Variants in FAM227B observed in about 807,000 individuals in gnomAD.
FAM227B encodes the protein family with sequence similarity 227 member B.
FAM227B carries 88 observed loss-of-function variants against 73.8 expected under a neutral mutation model. That is an observed-to-expected ratio of 1.19 (90% CI 1.00 to 1.42). FAM227B has a LOEUF of 1.42. FAM227B is among the 40% of genes most tolerant of loss of function. FAM227B has a pLI of 0.00. For missense variants in FAM227B, 632 were observed against 590.9 expected (o/e 1.07, Z -0.72); for synonymous variants, 210 against 190.5 (o/e 1.10, Z -0.84).
chr15:49,401,995 G>GT (rs1172223569), intron 11 of FAM227B, among the ~76,000 whole-genome samples: 8 of 151,286 alleles, frequency 5.3e-5, no homozygotes, highest in Non-Finnish European at 8.8e-5. Context: ...AAAACTTAAA[G>GT]TATAATAAAA....
chr15:49,505,205 T>C (rs562746004), intron 11 of FAM227B, among the ~76,000 whole-genome samples: 4 of 152,302 alleles, frequency 2.6e-5, no homozygotes, highest in Admixed American at 2.6e-4. Context: ...AAAATTGCAT[T>C]CTAACCTATA....
intron 10 of FAM227B, among the ~76,000 whole-genome samples, chr15:49,510,681 T>G (rs1205908939): frequency 4.6e-5 from 7 of 152,144 alleles, no homozygotes; most frequent in Non-Finnish European, 8.8e-5. Context: ...TGTTAAAGCC[T>G]CCATTTCTTG....
At chr15:49,617,776 TTGTGTGTGTGTGTG>T (rs67917912) in intron 1 of FAM227B, among the ~76,000 whole-genome samples, 1 of 148,114 alleles carries the variant, frequency 6.8e-6, no homozygotes, top group Non-Finnish European at 1.5e-5. Flanking sequence ...CTTTCATGTT[TTGTGTGTGTGTGTG>T]TGTGTGTGTG....
intron 11 of FAM227B, among the ~76,000 whole-genome samples, chr15:49,499,793 T>C (rs948098286): frequency 2.0e-5 from 3 of 152,162 alleles, no homozygotes; most frequent in Non-Finnish European, 4.4e-5. Context: ...CAAATGGTGC[T>C]AAAGCAATAT....
intron 11 of FAM227B, among the ~76,000 whole-genome samples, chr15:49,395,528 T>C (rs912086299): frequency 6.6e-6 from 1 of 152,168 alleles, no homozygotes; most frequent in Non-Finnish European, 1.5e-5. Context: ...AGGGTTAGCA[T>C]AGGCAGAAGT....
intron 10 of FAM227B, among the ~76,000 whole-genome samples, chr15:49,511,224 A>G (rs2058973370): frequency 6.6e-6 from 1 of 152,096 alleles, no homozygotes; most frequent in Non-Finnish European, 1.5e-5. Flanking sequence ...GTTTCTTCCC[A>G]TTTGAGATGG....
intron 13 of FAM227B, among the ~76,000 whole-genome samples, chr15:49,364,839 G>A (rs1204407861): frequency 6.6e-6 from 1 of 151,828 alleles, no homozygotes; most frequent in Non-Finnish European, 1.5e-5. Context: ...AAAGCATAGG[G>A]ATGGGTCAAG....
At chr15:49,470,103 T>C (rs142074313) in intron 11 of FAM227B, among the ~76,000 whole-genome samples, 1 of 152,234 alleles carries the variant, frequency 6.6e-6, no homozygotes, top group African/African-American at 2.4e-5. Context: ...TGTTGCTCCA[T>C]CTTTTGAAGA....
chr15:49,355,834 T>C (rs1459936847), intron 13 of FAM227B, among the ~76,000 whole-genome samples: 1 of 152,000 alleles, frequency 6.6e-6, no homozygotes, highest in African/African-American at 2.4e-5. Context: ...TAAGGGCAGC[T>C]AGAGAGAAAG....
intron 13 of FAM227B, among the ~76,000 whole-genome samples, chr15:49,347,311 T>C (rs974999572): frequency 6.6e-6 from 1 of 152,178 alleles, no homozygotes; most frequent in Non-Finnish European, 1.5e-5. Flanking sequence ...ATTTTTGAAG[T>C]AGGAGACAGA....
At chr15:49,524,547 C>T (rs2060016618) in intron 10 of FAM227B, among the ~76,000 whole-genome samples, 1 of 152,124 alleles carries the variant, frequency 6.6e-6, no homozygotes, top group South Asian at 2.1e-4. Flanking sequence ...GGGGTCAGAG[C>T]CCCCACAGAG....
chr15:49,405,919 T>C (rs563254149), intron 11 of FAM227B, among the ~76,000 whole-genome samples: 2 of 152,168 alleles, frequency 1.3e-5, no homozygotes, highest in Non-Finnish European at 2.9e-5. Context: ...TTTGAATGGT[T>C]ATTTCTTTTA....
chr15:49,418,613 A>T lies in FAM227B; in HGVS notation c.1013-47214T>A, dbSNP rs139209936. On this transcript the variant is annotated intron_variant, in intron 11 of 15. Transcript: ENST00000299338. ...AAGTAGTGAGAACAAATGGACACAA[A>T]CAGAGAACAACAGATACTGGGGTCC... 8.1e-4 allele frequency among the ~76,000 whole-genome samples: 123 copies of T among 152,214 alleles called. 1 individual carries two copies. In the East Asian group the frequency reaches 0.023, roughly 29 times the overall value.
At chr15:49,492,810 TA>T (rs2057238286) in intron 11 of FAM227B, among the ~76,000 whole-genome samples, 1 of 151,938 alleles carries the variant, frequency 6.6e-6, no homozygotes, top group Admixed American at 6.6e-5. Context: ...AAATGTGGTT[TA>T]AAAAATTATC....
intron 13 of FAM227B, among the ~76,000 whole-genome samples, chr15:49,362,927 GGTA>G (rs2044502144): frequency 6.6e-6 from 1 of 151,986 alleles, no homozygotes; most frequent in Admixed American, 6.6e-5. Flanking sequence ...AAGGTTAGAT[GGTA>G]GTAGGTGTGC....
chr15:49,338,879 A>AT (rs1371775887), intron 13 of FAM227B, among the ~76,000 whole-genome samples: 2 of 151,580 alleles, frequency 1.3e-5, no homozygotes, highest in Non-Finnish European at 2.9e-5. Context: ...CATTGAGTTG[A>AT]TTTTCAGTCT....
At chr15:49,373,061 T>C (rs72727272) in intron 11 of FAM227B, among the ~76,000 whole-genome samples, 43 of 152,096 alleles carry the variant, frequency 2.8e-4, no homozygotes, top group Non-Finnish European at 2.6e-4. Context: ...ATTTTGAAAA[T>C]TCTTAAATAC....
intron 8 of FAM227B, among the ~76,000 whole-genome samples, chr15:49,573,337 G>C (rs1182441078): frequency 1.3e-5 from 2 of 152,112 alleles, no homozygotes; most frequent in Non-Finnish European, 2.9e-5. Context: ...TCCTAGCTCA[G>C]AATGTAGTTA....
chr15:49,529,727 G>C (rs1180820887), intron 10 of FAM227B, among the ~76,000 whole-genome samples: 2 of 151,584 alleles, frequency 1.3e-5, no homozygotes, highest in African/African-American at 2.4e-5. Flanking sequence ...CTCTCAAATT[G>C]CTTGCTTATA....
Sources: gnomAD v4.1 joint callset for allele counts (sites outside exome capture counted in the v4.1 genomes callset) on GRCh38, gnomAD v4.1.1 for gene constraint, MANE v1.5 for transcripts, NCBI Gene and HGNC (gene_info 2026-07-23, HGNC 2026-07-21) for gene names.